The following SETBP1 variants were observed in gnomAD, a reference collection of about 807,000 sequenced individuals.
The protein encoded by SETBP1 is SET binding protein 1.
A neutral mutation model predicts 101.0 loss-of-function variants in SETBP1; 9 were observed. The observed-to-expected ratio is 0.09, with a 90% confidence interval of 0.05 to 0.16. SETBP1 has a LOEUF of 0.16. Among genes scored for constraint, SETBP1 ranks in the 10% least tolerant of loss-of-function variants. The pLI is 1.00. For synonymous variants in SETBP1, 818 were observed against 788.5 expected (o/e 1.04, Z -0.63); for missense variants, 1,858 against 2,033.8 (o/e 0.91, Z 1.66).
intron 1 of SETBP1, among the ~76,000 whole-genome samples, chr18:44,688,466 G>A (rs948511959): frequency 1.3e-5 from 2 of 151,708 alleles, no homozygotes; most frequent in East Asian, 3.9e-4. Context: ...TTTGAGCAAT[G>A]AGACCTTTGA....
At chr18:45,008,768 C>T (rs2072779080) in intron 4 of SETBP1, among the ~76,000 whole-genome samples, 1 of 152,188 alleles carries the variant, frequency 6.6e-6, no homozygotes, top group Non-Finnish European at 1.5e-5. Context: ...CTAATAAGAG[C>T]AGACCCCAAC....
chr18:45,044,783 A>C (rs539109265), intron 5 of SETBP1, among the ~76,000 whole-genome samples: 1 of 152,368 alleles, frequency 6.6e-6, no homozygotes, highest in African/African-American at 2.4e-5. Context: ...TCTTTAATGC[A>C]GAAGACAGCA....
At position 44,951,786 on chromosome 18, in the gene SETBP1, A is replaced by G; in HGVS notation, c.2446A>G (p.Thr816Ala). 1 of 1,614,008 alleles carries G rather than the reference A, an allele frequency of 6.2e-7. No homozygotes were observed. The highest frequency in any genetic ancestry group is 1.1e-5 in the South Asian group (1 of 91,076). Residue 816 changes from threonine (T) to alanine (A), a missense_variant, in exon 4 of 6, where the codon ACC (threonine) becomes GCC (alanine). Physicochemically the swap from Thr to Ala is moderately conservative, Grantham distance 58. This residue lies in a region of SETBP1 where 121 missense variants were observed against 138.0 expected (regional missense o/e 0.88). Transcript: ENST00000649279. The surrounding 1 kb of genome is among the most constrained non-coding windows in gnomAD (Gnocchi z 7.8). ...TCTCCAGCCCATCAGTGCTCTTCCA[A>G]CCAAAACCCAAAAGGGAATACACAG... ...PNLQPISALP[T>A]KTQKGIHSGT...
intron 2 of SETBP1, among the ~76,000 whole-genome samples, chr18:44,718,504 A>G (rs1004392752): frequency 1.3e-5 from 2 of 152,176 alleles, no homozygotes; most frequent in Admixed American, 6.5e-5. Context: ...GCTAAGCTGA[A>G]TGGAACCAGG....
intron 3 of SETBP1, among the ~76,000 whole-genome samples, chr18:44,913,025 T>C (rs1215408729): frequency 6.6e-6 from 1 of 152,220 alleles, no homozygotes; most frequent in East Asian, 1.9e-4. Context: ...CCACAAGTTC[T>C]GGAGCTAGGA....
At chr18:44,960,298 G>A (rs373369123) in intron 4 of SETBP1, among the ~76,000 whole-genome samples, 71 of 152,140 alleles carry the variant, frequency 4.7e-4, no homozygotes, top group African/African-American at 1.2e-3. Context: ...TCTTTTTCCC[G>A]TACTCCGAGG....
chr18:44,787,713 G>C (rs1473548282), intron 2 of SETBP1, among the ~76,000 whole-genome samples: 3 of 146,110 alleles, frequency 2.1e-5, no homozygotes, highest in Admixed American at 6.8e-5. Context: ...AATTAGCCGG[G>C]CGCGGTGGCG....
In SETBP1 at chr18:45,063,173, C is replaced by T; in HGVS notation, c.4266C>T (p.Ser1422=). ...TGTGCAACTACACCAAGATCCTGTC[C>T]ACCAAGAAGAACCTGGACCACGTGA... The part of the protein sequence containing the change: ...RKMCNYTKIL[S]TKKNLDHVNK... The change falls in exon 6 of 6, where the codon TCC becomes TCT. Residue 1422 remains serine (S), a synonymous_variant. Coordinates refer to ENST00000649279, the MANE Select transcript of SETBP1 (RefSeq NM_015559.3). 1.2e-6 allele frequency: 2 copies of T among 1,614,046 alleles called. No individual in the cohort carries two copies. The highest frequency in any genetic ancestry group is 1.7e-6 in the Non-Finnish European group (2 of 1,180,000).
In SETBP1 at chr18:44,756,206, G is replaced by C. The variant is rs941879677; in HGVS notation, c.486+54374G>C. ...TACTCCAGCCTGGGTGGCAGAGTAAGACTCCATGTCAAAAAAAAAAAAAAA... is the reference window on the plus strand; with the variant it reads ...TACTCCAGCCTGGGTGGCAGAGTAACACTCCATGTCAAAAAAAAAAAAAAA... On this transcript the variant is annotated intron_variant, in intron 2 of 5. Coordinates refer to ENST00000649279, the MANE Select transcript of SETBP1 (RefSeq NM_015559.3). Among the ~76,000 whole-genome samples, 12 of 146,186 alleles carry C rather than the reference G, an allele frequency of 8.2e-5. 1 individual carries two copies. The highest frequency in any genetic ancestry group is 2.5e-5 in the African/African-American group (1 of 39,548).
At chr18:45,010,792 T>C (rs1049098828) in intron 4 of SETBP1, among the ~76,000 whole-genome samples, 6 of 152,232 alleles carry the variant, frequency 3.9e-5, no homozygotes, top group African/African-American at 1.4e-4. Context: ...ACGACAACTC[T>C]GTAAAGTTGG....
chr18:45,013,802 A>T (rs1023547016), intron 4 of SETBP1, among the ~76,000 whole-genome samples: 2 of 152,112 alleles, frequency 1.3e-5, no homozygotes, highest in Non-Finnish European at 2.9e-5. Flanking sequence ...GGCATCCCCA[A>T]TCCTGACATG....
intron 2 of SETBP1, among the ~76,000 whole-genome samples, chr18:44,824,112 C>T (rs1306430794): frequency 1.3e-5 from 2 of 152,176 alleles, no homozygotes. Flanking sequence ...GAAGTGGCTG[C>T]CTGTGTGTGT....
chr18:45,038,740 G>A (rs1312115325), intron 5 of SETBP1, 85 bp downstream of exon 5: 93 of 1,436,320 alleles, frequency 6.5e-5, no homozygotes, highest in Non-Finnish European at 7.8e-6. Flanking sequence ...TTGAATACAG[G>A]TAAGAGTTCT....
chr18:44,850,286 G>T (rs1234113763), intron 2 of SETBP1, among the ~76,000 whole-genome samples: 2 of 152,188 alleles, frequency 1.3e-5, no homozygotes, highest in East Asian at 1.9e-4. Context: ...ACTCAAGGGG[G>T]TCGTCAGTCC....
At chr18:44,827,948 G>A (rs2072271680) in intron 2 of SETBP1, among the ~76,000 whole-genome samples, 1 of 152,168 alleles carries the variant, frequency 6.6e-6, no homozygotes, top group Non-Finnish European at 1.5e-5. Flanking sequence ...GTCATGCTCA[G>A]AACCTTTTAT....
intron 2 of SETBP1, among the ~76,000 whole-genome samples, chr18:44,712,052 A>C (rs2069359658): frequency 6.6e-6 from 1 of 152,054 alleles, no homozygotes; most frequent in African/African-American, 2.4e-5. Flanking sequence ...GGAGACCTTT[A>C]TTTACTCTCA....
In SETBP1 at chr18:45,059,134, C is replaced by T. The variant is rs115799275; in HGVS notation, c.4172-3945C>T. Among the ~76,000 whole-genome samples the T allele has an allele frequency of 1.3e-3, 204 of 152,182 alleles. 2 individuals are homozygous for T. The highest frequency in any genetic ancestry group is 4.8e-3 in the African/African-American group (200 of 41,508). On this transcript the variant is annotated intron_variant, in intron 5 of 5. Transcript: ENST00000649279. The stretch of plus-strand genomic sequence containing the variant: ...AGTAGACAGAATAGCATTAATAAAC[C>T]TCATGTACCCATCAATATCAACTTC...
At chr18:44,917,691 A>G (rs1010910033) in intron 3 of SETBP1, among the ~76,000 whole-genome samples, 2 of 151,660 alleles carry the variant, frequency 1.3e-5, no homozygotes, top group Admixed American at 6.6e-5. Flanking sequence ...CATTTCCCTC[A>G]CCCTCTCCAG....
At chr18:44,873,517 G>T (rs959526560) in intron 3 of SETBP1, among the ~76,000 whole-genome samples, 1 of 152,112 alleles carries the variant, frequency 6.6e-6, no homozygotes, top group Non-Finnish European at 1.5e-5. Context: ...GGTCGTCCCG[G>T]CAGAGGTGGT....
Sources: allele counts gnomAD v4.1 joint callset (sites outside exome capture counted in the v4.1 genomes callset), GRCh38; gene constraint gnomAD v4.1.1; regional missense constraint gnomAD v4.1.1; non-coding constraint Gnocchi (gnomAD v3.1); transcripts MANE v1.5; gene names NCBI Gene and HGNC (gene_info 2026-07-23, HGNC 2026-07-21).